ESRRG: variants seen among roughly 807,000 people sequenced by gnomAD.
ESRRG encodes the protein estrogen-related receptor gamma.
A neutral mutation model predicts 44.0 loss-of-function variants in ESRRG; 13 were observed. The ratio of observed to expected loss-of-function variants is 0.30; its 90% CI spans 0.19 to 0.47. The LOEUF (loss-of-function observed/expected upper bound fraction) is 0.47. ESRRG is among the 20% of genes least tolerant of loss of function. ESRRG has a pLI of 1.00. For synonymous variants in ESRRG, 215 were observed against 214.6 expected, an observed-to-expected ratio of 1.00 and a Z score of -0.02; for missense variants, 395 against 580.6, an observed-to-expected ratio of 0.68 and a Z score of 3.29.
At chr1:216,899,271 T>TTA (rs1406615350) in intron 2 of ESRRG, among the ~76,000 whole-genome samples, 2 of 152,204 alleles carry the variant, frequency 1.3e-5, no homozygotes, top group Non-Finnish European at 2.9e-5. Flanking sequence ...CACTTGGAAT[T>TTA]TAGTCTTTGA....
At chr1:216,688,474 C>A (rs1473462486) in intron 1 of ESRRG, among the ~76,000 whole-genome samples, 1 of 152,114 alleles carries the variant, frequency 6.6e-6, no homozygotes, top group Non-Finnish European at 1.5e-5. Flanking sequence ...AATACTAATT[C>A]TTCCCCAACC....
chr1:216,658,309 A>G (rs1463322423), intron 2 of ESRRG, among the ~76,000 whole-genome samples: 1 of 152,186 alleles, frequency 6.6e-6, no homozygotes, highest in African/African-American at 2.4e-5. Context: ...TAAAAAAACT[A>G]CATCTTCCCT....
intron 2 of ESRRG, among the ~76,000 whole-genome samples, chr1:216,926,578 A>G (rs2062613176): frequency 1.3e-5 from 2 of 152,234 alleles, no homozygotes; most frequent in African/African-American, 2.4e-5. Context: ...TCAATGAAAA[A>G]TAATAGGAGA....
intron 1 of ESRRG, among the ~76,000 whole-genome samples, chr1:217,100,331 A>C (rs1310443012): frequency 6.6e-6 from 1 of 151,992 alleles, no homozygotes; most frequent in Non-Finnish European, 1.5e-5. Context: ...TGACCCCAAC[A>C]CTCTATAATA....
intron 1 of ESRRG, among the ~76,000 whole-genome samples, chr1:217,064,223 C>T: frequency 6.6e-6 from 1 of 151,436 alleles, no homozygotes; most frequent in East Asian, 1.9e-4. Context: ...GTTGTATGTA[C>T]ATTACACACA....
At chr1:217,116,288 C>T (rs192535496) in intron 1 of ESRRG, among the ~76,000 whole-genome samples, 125 of 152,300 alleles carry the variant, frequency 8.2e-4, no homozygotes, top group African/African-American at 2.9e-3. Context: ...TGGTTGTCAT[C>T]TCACTGGCAA....
At chr1:216,812,331 T>C (rs903967033) in intron 2 of ESRRG, among the ~76,000 whole-genome samples, 5 of 152,192 alleles carry the variant, frequency 3.3e-5, no homozygotes, top group Admixed American at 2.6e-4. Context: ...TAGATATACA[T>C]TGAACTGCTT....
chr1:216,530,099 G>A lies in ESRRG; in HGVS notation c.863-10678C>T, dbSNP rs930219669. On this transcript the variant is annotated intron_variant, in intron 5 of 6. Transcript: ENST00000408911. ...TGCACTCCAGCCTGGGTGGCAGAGC[G>A]AGACTCCATCAAAAAAAAAAAAAAA... 2.9e-4 allele frequency among the ~76,000 whole-genome samples: 35 copies of A among 121,616 alleles called. 1 individual carries two copies. Among genetic ancestry groups the A allele is most frequent in the African/African-American group, 1.2e-3 (34 of 28,756 alleles). 79.8% of individuals were successfully genotyped at this position (121,616 alleles called of 152,430 possible).
chr1:216,740,929 T>C (rs2152223648), intron 2 of ESRRG, among the ~76,000 whole-genome samples: 1 of 151,970 alleles, frequency 6.6e-6, no homozygotes, highest in African/African-American at 2.4e-5. Context: ...CTTTCATTTT[T>C]CCACCTTCTG....
intron 2 of ESRRG, among the ~76,000 whole-genome samples, chr1:216,779,605 C>G (rs1318341577): frequency 8.1e-6 from 1 of 123,808 alleles, no homozygotes; most frequent in African/African-American, 3.1e-5. Context: ...CTAATGCAGT[C>G]TGCCTTAGAA....
intron 5 of ESRRG, among the ~76,000 whole-genome samples, chr1:216,527,371 C>T (rs996269697): frequency 1.3e-5 from 2 of 152,076 alleles, no homozygotes; most frequent in African/African-American, 4.8e-5. Context: ...CTACCCAGGG[C>T]TAGTCAAGCA....
At chr1:217,018,578 A>G (rs1464525672) in intron 1 of ESRRG, among the ~76,000 whole-genome samples, 1 of 152,130 alleles carries the variant, frequency 6.6e-6, no homozygotes, top group East Asian at 1.9e-4. Flanking sequence ...CCCATATTTC[A>G]GTCCAGCCAA....
chr1:216,951,609 G>A (rs777953203), intron 1 of ESRRG, among the ~76,000 whole-genome samples: 38 of 151,734 alleles, frequency 2.5e-4, no homozygotes, highest in Non-Finnish European at 4.6e-4. Flanking sequence ...CAGTAGAAAT[G>A]AAAACTAAAA....
intron 5 of ESRRG, among the ~76,000 whole-genome samples, chr1:216,522,193 A>C (rs1422398290): frequency 1.3e-5 from 2 of 148,298 alleles, no homozygotes; most frequent in Non-Finnish European, 3.0e-5. Flanking sequence ...TGCAAACCTA[A>C]CTTTTTCCTT....
At chr1:216,909,304 C>T (rs185576347) in intron 2 of ESRRG, among the ~76,000 whole-genome samples, 1 of 152,096 alleles carries the variant, frequency 6.6e-6, no homozygotes, top group South Asian at 2.1e-4. Flanking sequence ...TCACCAAGAC[C>T]TCTACAGCCC....
In ESRRG at chr1:216,662,749, T is replaced by A. The variant is rs145423080; in HGVS notation, c.473-11660A>T. 9.3e-3 allele frequency among the ~76,000 whole-genome samples: 1,411 copies of A among 152,264 alleles called. 23 individuals carry two copies. The highest frequency in any genetic ancestry group is 0.032 in the African/African-American group (1,335 of 41,554). On this transcript the variant is annotated intron_variant, in intron 2 of 6. Transcript: ENST00000408911. Reference sequence around the variant, plus strand: ...GCAGGGGTTTGGTTGGCAAGCTTTTTTGAAAGGGCCAGATTGTACATATTT... The same window carrying A: ...GCAGGGGTTTGGTTGGCAAGCTTTTATGAAAGGGCCAGATTGTACATATTT...
At chr1:217,080,178 C>T (rs1004355850) in intron 1 of ESRRG, among the ~76,000 whole-genome samples, 4 of 152,130 alleles carry the variant, frequency 2.6e-5, no homozygotes, top group South Asian at 4.1e-4. Context: ...TAATGCACTT[C>T]CCTGCAGGTA....
At chr1:216,874,411 TGA>T (rs2096313337) in intron 2 of ESRRG, among the ~76,000 whole-genome samples, 1 of 152,094 alleles carries the variant, frequency 6.6e-6, no homozygotes, top group Non-Finnish European at 1.5e-5. Context: ...ACACAAAATA[TGA>T]GAAATAAAAC....
At chr1:216,891,780 T>C (rs1238024007) in intron 2 of ESRRG, among the ~76,000 whole-genome samples, 3 of 151,346 alleles carry the variant, frequency 2.0e-5, no homozygotes, top group Admixed American at 2.0e-4. Flanking sequence ...AATATACTCT[T>C]AGTGTGGTGC....
Sources: gnomAD v4.1 joint callset for allele counts (sites outside exome capture counted in the v4.1 genomes callset) on GRCh38, gnomAD v4.1.1 for gene constraint, MANE v1.5 for transcripts, NCBI Gene and HGNC (gene_info 2026-07-23, HGNC 2026-07-21) for gene names.